The following DNAJB1 variants were observed in gnomAD, a reference collection of about 807,000 sequenced individuals.
The protein encoded by DNAJB1 is dnaJ homolog subfamily B member 1.
Under a neutral mutation model 24.0 loss-of-function variants are expected in DNAJB1, and 14 were observed. The ratio of observed to expected loss-of-function variants is 0.58; its 90% CI spans 0.39 to 0.91. DNAJB1 has a LOEUF of 0.91. Ranked by LOEUF, DNAJB1 falls within the 40% of genes least tolerant of loss-of-function variation. The pLI is 0.00. For synonymous variants in DNAJB1, 262 were observed against 174.4 expected (o/e 1.50, Z -3.96); for missense variants, 517 against 458.1 (o/e 1.13, Z -1.17).
Position 14,556,926 on chromosome 19 carries a change from G to C in DNAJB1, c.-2165-2608C>G, listed in dbSNP as rs188730001. Among the ~76,000 whole-genome samples, 185 of 152,226 alleles carry C rather than the reference G, an allele frequency of 1.2e-3. 1 individual carries two copies. Among genetic ancestry groups the C allele is most frequent in the African/African-American group, 4.4e-3 (181 of 41,552 alleles). On this transcript the variant is annotated intron_variant, in intron 1 of 5. Transcript: ENST00000679223. Reference sequence around the variant, plus strand: ...TCTGCACCGAAAGTATCTCGCTATTGTTAGGGTTTGGGTTCACTGTGACCA... The same window carrying C: ...TCTGCACCGAAAGTATCTCGCTATTCTTAGGGTTTGGGTTCACTGTGACCA...
intron 2 of DNAJB1, among the ~76,000 whole-genome samples, chr19:14,527,066 G>A (rs1156722334): frequency 6.8e-6 from 1 of 146,672 alleles, no homozygotes; most frequent in African/African-American, 2.5e-5. Context: ...TGGCCTGGAA[G>A]CAAATACTCT....
Position 14,518,125 on chromosome 19 carries a change from C to A in DNAJB1, c.211+14G>T, listed in dbSNP as rs1299934070. On this transcript the variant is annotated intron_variant, in intron 1 of 2. Coordinates refer to ENST00000254322, the MANE Select transcript of DNAJB1 (RefSeq NM_006145.3). ...TCAAAAGGCGGGGCCGCGCCCCTGG[C>A]CGCGAGCACACACCTTCCTCCCCGT... The A allele has an allele frequency of 6.7e-7, 1 of 1,488,230 alleles. No individual in the cohort carries two copies. Among genetic ancestry groups the A allele is most frequent in the Non-Finnish European group, 8.9e-7 (1 of 1,120,062 alleles). The allele number at this position is 1,488,230 out of a possible 1,614,324, so 92.2% of individuals were successfully genotyped here.
upstream of DNAJB1, chr19:14,518,516 C>T (rs2072320640): frequency 2.0e-6 from 1 of 494,242 alleles, no homozygotes; most frequent in South Asian, 1.0e-4. Flanking sequence ...CGCCGCCGCC[C>T]TTTCAGCGAC....
intron 1 of DNAJB1, among the ~76,000 whole-genome samples, chr19:14,545,414 C>T (rs934592342): frequency 2.0e-5 from 3 of 152,186 alleles, no homozygotes; most frequent in Non-Finnish European, 2.9e-5. Flanking sequence ...CCCTCTGCAC[C>T]GCTGTCTCCT....
chr19:14,518,490 C>CG, upstream of DNAJB1: 1 of 639,034 alleles, frequency 1.6e-6, no homozygotes, highest in African/African-American at 1.9e-5. Flanking sequence ...CGCCCGCCCC[C>CG]GCGGCGCCGG....
chr19:14,517,910 G>A lies in DNAJB1; in HGVS notation c.211+229C>T, dbSNP rs540596770. ...CCGCGGGAGGAGGCGCCCGGGGAGGGGCAGCCCCAGACATGCTAGAAGCTT... is the reference window on the plus strand; with the variant it reads ...CCGCGGGAGGAGGCGCCCGGGGAGGAGCAGCCCCAGACATGCTAGAAGCTT... On this transcript the variant is annotated intron_variant, in intron 1 of 2. Transcript: ENST00000254322. 609 of 416,330 alleles carry A rather than the reference G, an allele frequency of 1.5e-3. 5 individuals are homozygous for A. Among genetic ancestry groups the A allele is most frequent in the African/African-American group, 0.011 (535 of 48,374 alleles). The allele number at this position is 416,330 out of a possible 1,614,324, so 25.8% of individuals were successfully genotyped here. A position where few individuals can be genotyped will look rare whatever the true frequency, so the allele number is the denominator to read the frequency against.
In DNAJB1 at chr19:14,516,627, C is replaced by T; in HGVS notation, c.631G>A (p.Gly211Arg). 1 of 1,614,208 alleles carries T rather than the reference C, an allele frequency of 6.2e-7. No individual in the cohort carries two copies. The highest frequency in any genetic ancestry group is 8.5e-7 in the Non-Finnish European group (1 of 1,180,046). ...GTGATTTTGGTTCCTTCTTTCCACC[C>T]CTTCTTCACTTCGATGGTCAATATT... ...DKILTIEVKK[G>R]WKEGTKITFP... Residue 211 changes from glycine to arginine, a missense_variant, in exon 2 of 3, where the codon GGG becomes AGG. Transcript: ENST00000254322.
At chr19:14,518,456 A>G, upstream of DNAJB1, 8 of 932,376 alleles carry the variant, frequency 8.6e-6, no homozygotes, top group Non-Finnish European at 1.1e-5. Flanking sequence ...AGAGCCCGCC[A>G]GCCCCCTCCA....
chr19:14,538,834 A>G lies in DNAJB1; in HGVS notation c.-213-11024T>C, dbSNP rs146387004. 1.1e-3 allele frequency among the ~76,000 whole-genome samples: 165 copies of G among 151,734 alleles called. 2 individuals carry two copies. The East Asian group carries it at 0.025, about 23-fold the overall frequency. ...GCATGAGCCACCACGCCTGGCTGAG[A>G]AAAGCTTCAAAACTTAATGAAGAAG... On this transcript the variant is annotated intron_variant, in intron 1 of 3. Transcript: ENST00000676982.
At chr19:14,538,366 G>C (rs577688741) in intron 1 of DNAJB1, among the ~76,000 whole-genome samples, 1 of 152,104 alleles carries the variant, frequency 6.6e-6, no homozygotes, top group Non-Finnish European at 1.5e-5. Flanking sequence ...CTGGGGGCCT[G>C]TGGGGGAGTG....
At position 14,515,913 on chromosome 19, in the gene DNAJB1, T is replaced by G. The variant is rs750830588; in HGVS notation, c.*27A>C. 2 of 1,596,522 alleles carry G rather than the reference T, an allele frequency of 1.3e-6. No individual in the cohort carries two copies. The highest frequency in any genetic ancestry group is 4.5e-5 in the East Asian group (2 of 44,542). ...AATCCTTGAGCTCTGGAAAGGTCCCTGGTCAGTCCTTGGGGAGCTCAGATA... is the reference window on the plus strand; with the variant it reads ...AATCCTTGAGCTCTGGAAAGGTCCCGGGTCAGTCCTTGGGGAGCTCAGATA... On this transcript the variant is annotated 3_prime_UTR_variant, in exon 3 of 3. Transcript: ENST00000254322.
chr19:14,553,698 TGTGATGGGGGCGAG>T (rs541482846), upstream of DNAJB1, among the ~76,000 whole-genome samples: 89 of 152,114 alleles, frequency 5.9e-4, no homozygotes, highest in African/African-American at 1.6e-3. Context: ...TCTCTGCATT[TGTGATGGGGGCGAG>T]GTGATGGGGG....
At chr19:14,531,144 C>G (rs759569803), upstream of DNAJB1, 1 of 152,108 alleles carries the variant, frequency 6.6e-6, no homozygotes, top group Non-Finnish European at 1.5e-5. Context: ...AAGCGATTCT[C>G]CTGCCTCAGC....
Position 14,515,946 on chromosome 19 carries a change from T to G in DNAJB1, c.1017A>C (p.Pro339=). ...CCTTGGGGAGCTCAGATAGCTATAT[T>G]GGAAGAACCTGCTCAAGTACGGTTC... The part of the protein sequence containing the change: ...TSRTVLEQVL[P]I The change falls in exon 3 of 3, where the codon CCA becomes CCC. Residue 339 remains proline (P), a synonymous_variant. Coordinates refer to ENST00000254322, the MANE Select transcript of DNAJB1 (RefSeq NM_006145.3). The G allele has an allele frequency of 6.2e-7, 1 of 1,607,482 alleles. No individual in the cohort carries two copies. The highest frequency in any genetic ancestry group is 1.3e-5 in the African/African-American group (1 of 74,244).
chr19:14,558,580 G>T (rs1318023030), intron 1 of DNAJB1, among the ~76,000 whole-genome samples: 2 of 152,160 alleles, frequency 1.3e-5, no homozygotes, highest in Non-Finnish European at 2.9e-5. Context: ...GGCCGGCAGA[G>T]CCACCAGCCT....
chr19:14,529,654 G>A (rs376016848), upstream of DNAJB1: 28 of 1,613,742 alleles, frequency 1.7e-5, no homozygotes, highest in African/African-American at 1.2e-4. Flanking sequence ...CGCGCAGTTA[G>A]GCAGCAGCAG....
intron 2 of DNAJB1, among the ~76,000 whole-genome samples, chr19:14,526,262 T>A (rs2072423468): frequency 1.3e-5 from 2 of 152,174 alleles, no homozygotes. Flanking sequence ...CAGTCACCAT[T>A]GTGAATCAGC....
intron 2 of DNAJB1, 65 bp downstream of exon 2, chr19:14,516,401 A>T: frequency 6.5e-7 from 1 of 1,533,416 alleles, no homozygotes; most frequent in Non-Finnish European, 8.9e-7. Context: ...TGGTTCAGCA[A>T]ATACTAAACT....
upstream of DNAJB1, among the ~76,000 whole-genome samples, chr19:14,534,554 G>C (rs2072796731): frequency 6.9e-6 from 1 of 144,114 alleles, no homozygotes; most frequent in Non-Finnish European, 1.5e-5. Flanking sequence ...TCCTGCCTCA[G>C]CCTCCCAAGT....
Sources: gnomAD v4.1 joint callset for allele counts (sites outside exome capture counted in the v4.1 genomes callset) on GRCh38, gnomAD v4.1.1 for gene constraint, MANE v1.5 for transcripts, NCBI Gene and HGNC (gene_info 2026-07-23, HGNC 2026-07-21) for gene names.